Variants in HDAC4 observed in about 807,000 individuals in gnomAD.
HDAC4 encodes the protein histone deacetylase 4.
In HDAC4, 16 loss-of-function variants were observed where a neutral mutation model predicts 135.1. That is an observed-to-expected ratio of 0.12 (90% CI 0.08 to 0.18). The LOEUF is 0.18. HDAC4 is among the 10% of genes least tolerant of loss of function. The probability of loss-of-function intolerance (pLI) is 1.00; values close to 1 mark genes in which losing one functional copy is unlikely to be tolerated. For synonymous variants in HDAC4, 685 were observed against 653.4 expected, an observed-to-expected ratio of 1.05 and a Z score of -0.74; for missense variants, 1,143 against 1,511.8, an observed-to-expected ratio of 0.76 and a Z score of 4.05.
At chr2:239,246,066 G>A (rs1393766465) in intron 2 of HDAC4, among the ~76,000 whole-genome samples, 1 of 152,202 alleles carries the variant, frequency 6.6e-6, no homozygotes, top group Non-Finnish European at 1.5e-5. Flanking sequence ...CAGGGCAGAG[G>A]AGACTGCAGG....
At chr2:239,120,474 G>A (rs1035237140) in intron 12 of HDAC4, among the ~76,000 whole-genome samples, 2 of 151,536 alleles carry the variant, frequency 1.3e-5, no homozygotes, top group African/African-American at 4.9e-5. Context: ...TGAAGAGACA[G>A]ATACACAGAT....
rs1363503966 is a variant in HDAC4, at chr2:239,089,914, CTGA to C, written c.2388+92_2388+94del. On this transcript the variant is annotated intron_variant, in intron 18 of 26. Coordinates refer to ENST00000543185, the MANE Select transcript of HDAC4 (RefSeq NM_001378414.1). ...CTCCCCATCACAGCCGCCTCCCAGCCTGATGAGAGGGAGACGGAGTGGGCGGCC... is the reference window on the plus strand; with the variant it reads ...CTCCCCATCACAGCCGCCTCCCAGCCTGAGAGGGAGACGGAGTGGGCGGCC... 7 of 912,914 alleles carry C rather than the reference CTGA, an allele frequency of 7.7e-6. No individual in the cohort carries two copies. The Admixed American group carries it at 1.2e-4, about 16-fold the overall frequency. 56.6% of individuals were successfully genotyped at this position (912,914 alleles called of 1,614,324 possible).
In HDAC4 at chr2:239,298,275, C is replaced by T; in HGVS notation, c.22+54403G>A. 2.4e-6 allele frequency: 3 copies of T among 1,270,502 alleles called. No individual in the cohort carries two copies. The South Asian group carries it at 3.8e-5, about 16-fold the overall frequency. 78.7% of individuals were successfully genotyped at this position (1,270,502 alleles called of 1,614,324 possible). On this transcript the variant is annotated intron_variant, in intron 2 of 26. Coordinates refer to ENST00000543185, the MANE Select transcript of HDAC4 (RefSeq NM_001378414.1). ...GGCTTGACGACAGACTGGGCTGGTG[C>T]CCTGGACAAGCGGTGGCTTCCAGAA... is the stretch of plus-strand genomic sequence containing the variant.
Position 239,352,815 on chromosome 2 carries a change from G to A in HDAC4, c.-116C>T. The A allele has an allele frequency of 9.3e-7, 1 of 1,076,166 alleles. No homozygotes were observed. Among genetic ancestry groups the A allele is most frequent in the Non-Finnish European group, 1.4e-6 (1 of 716,052 alleles). The allele number at this position is 1,076,166 out of a possible 1,614,324, so 66.7% of individuals were successfully genotyped here. ...CACATACAAGTACCGGGACGGTGAG[G>A]GCTGGGTCACAGACGTTCAAGCGCC... On this transcript the variant is annotated 5_prime_UTR_variant, in exon 2 of 27. Transcript: ENST00000543185. This position sits in a 1 kb window ranked among gnomAD's most constrained non-coding sequence, Gnocchi z 4.4.
chr2:239,104,167 A>T (rs1423855133), intron 15 of HDAC4, among the ~76,000 whole-genome samples: 3 of 152,050 alleles, frequency 2.0e-5, no homozygotes, highest in African/African-American at 7.2e-5. Flanking sequence ...GGAGGGACGT[A>T]CTCTCTGGGT....
intron 3 of HDAC4, among the ~76,000 whole-genome samples, chr2:239,207,608 G>A (rs2046118936): frequency 6.6e-6 from 1 of 152,268 alleles, no homozygotes; most frequent in South Asian, 2.1e-4. Context: ...CTTGAGGCCA[G>A]TAAGTTTTAA....
chr2:239,377,779 C>T (rs986883132), intron 1 of HDAC4, among the ~76,000 whole-genome samples: 5 of 152,114 alleles, frequency 3.3e-5, no homozygotes, highest in Admixed American at 6.5e-5. Flanking sequence ...GGATGCAAGA[C>T]GGACATCTCA....
intron 7 of HDAC4, among the ~76,000 whole-genome samples, chr2:239,145,539 A>G (rs1339609375): frequency 6.6e-6 from 1 of 152,202 alleles, no homozygotes; most frequent in Non-Finnish European, 1.5e-5. Flanking sequence ...CAGCGACCGG[A>G]GTCAAAGAAA....
At chr2:239,191,371 A>C (rs1004511954) in intron 3 of HDAC4, among the ~76,000 whole-genome samples, 2 of 152,202 alleles carry the variant, frequency 1.3e-5, no homozygotes, top group Non-Finnish European at 2.9e-5. Context: ...CCTTGTCAGC[A>C]ACTCAGTTCC....
rs79532663 is a variant in HDAC4, at chr2:239,326,027, A to G, written c.22+26651T>C. Among the ~76,000 whole-genome samples the G allele has an allele frequency of 1.3e-3, 191 of 152,290 alleles. 1 individual carries two copies. Among genetic ancestry groups the G allele is most frequent in the African/African-American group, 4.5e-3 (187 of 41,566 alleles). ...TCAACAATTCTGCTCCAAGGTATAT[A>G]CCCAAAAGATGTGAAAGCAGGGACT... On this transcript the variant is annotated intron_variant, in intron 2 of 26. Transcript: ENST00000543185.
At chr2:239,399,252 C>G (rs112226214) in intron 1 of HDAC4, among the ~76,000 whole-genome samples, 8 of 152,330 alleles carry the variant, frequency 5.3e-5, no homozygotes, top group African/African-American at 1.9e-4. Context: ...ACTTCTAACT[C>G]GGTGGCATTT....
intron 17 of HDAC4, among the ~76,000 whole-genome samples, chr2:239,093,338 C>T (rs1395062310): frequency 5.3e-5 from 8 of 152,168 alleles, no homozygotes; most frequent in Admixed American, 6.5e-5. Context: ...CTGACAAGAG[C>T]ACCTGCTGTG....
chr2:239,102,149 G>A (rs938744112), intron 16 of HDAC4, among the ~76,000 whole-genome samples: 6 of 152,114 alleles, frequency 3.9e-5, no homozygotes, highest in Non-Finnish European at 2.9e-5. Context: ...TGGGTTCTGC[G>A]CCCTGGAAGC....
Position 239,299,415 on chromosome 2 carries a change from T to C in HDAC4, c.22+53263A>G, listed in dbSNP as rs2052113565. Among the ~76,000 whole-genome samples the C allele has an allele frequency of 1.3e-5, 2 of 152,120 alleles. No homozygotes were observed. Among genetic ancestry groups the C allele is most frequent in the African/African-American group, 2.4e-5 (1 of 41,418 alleles). On this transcript the variant is annotated intron_variant, in intron 2 of 26. Transcript: ENST00000543185. The surrounding 1 kb of genome is among the most constrained non-coding windows in gnomAD (Gnocchi z 4.0). The stretch of plus-strand genomic sequence containing the variant: ...TAACAATCCCAATAAAATGCTGACA[T>C]GGGCTAATCTCAAGCAGATATTCTG...
chr2:239,132,613 G>A (rs767479910), intron 11 of HDAC4, among the ~76,000 whole-genome samples: 8 of 152,190 alleles, frequency 5.3e-5, no homozygotes, highest in South Asian at 2.1e-4. Flanking sequence ...AGGGATGAGC[G>A]CACACAGGGA....
At chr2:239,127,936 C>T (rs2040308541) in intron 11 of HDAC4, among the ~76,000 whole-genome samples, 1 of 152,248 alleles carries the variant, frequency 6.6e-6, no homozygotes, top group Non-Finnish European at 1.5e-5. Context: ...CTGCTTAGTG[C>T]TTCTCAAGTC....
chr2:239,244,234 C>T (rs1049253538), intron 2 of HDAC4, among the ~76,000 whole-genome samples: 1 of 152,170 alleles, frequency 6.6e-6, no homozygotes, highest in African/African-American at 2.4e-5. Context: ...GTTCTCGTGT[C>T]TGGGGCAAAA....
chr2:239,327,735 C>T (rs2053511929), intron 2 of HDAC4, among the ~76,000 whole-genome samples: 1 of 152,220 alleles, frequency 6.6e-6, no homozygotes. Context: ...GACAGCCTCC[C>T]CAAAGCGTGC....
At chr2:239,244,011 G>GCTTGGGTAT (rs747706127) in intron 2 of HDAC4, among the ~76,000 whole-genome samples, 7 of 152,120 alleles carry the variant, frequency 4.6e-5, no homozygotes, top group Non-Finnish European at 7.4e-5. Flanking sequence ...AAGCAATCCT[G>GCTTGGGTAT]CTTGGGTATT....
Sources: gnomAD v4.1 joint callset for allele counts (sites outside exome capture counted in the v4.1 genomes callset) on GRCh38, gnomAD v4.1.1 for gene constraint, Gnocchi (gnomAD v3.1) non-coding constraint, MANE v1.5 for transcripts, NCBI Gene and HGNC (gene_info 2026-07-23, HGNC 2026-07-21) for gene names.